RPIA: variants seen among roughly 807,000 people sequenced by gnomAD.
The protein encoded by RPIA is ribose 5-phosphate isomerase A, also known as ribose-5-phosphate isomerase.
In RPIA, 29 loss-of-function variants were observed where a neutral mutation model predicts 37.8. The observed-to-expected ratio is 0.77, with a 90% CI of 0.57 to 1.05. RPIA has a LOEUF of 1.05. Ranked by LOEUF, RPIA falls within the 50% of genes least tolerant of loss-of-function variation. The pLI, the probability that RPIA is intolerant of heterozygous loss-of-function variation, is 0.00. For missense variants in RPIA, 385 were observed against 413.6 expected (o/e 0.93, Z 0.60); for synonymous variants, 167 against 157.0 (o/e 1.06, Z -0.48).
intron 3 of RPIA, among the ~76,000 whole-genome samples, chr2:88,724,429 C>T (rs1338431598): frequency 6.6e-6 from 1 of 152,070 alleles, no homozygotes; most frequent in Non-Finnish European, 1.5e-5. Context: ...GCCTCAGCCT[C>T]CCTAGTAGAT....
chr2:88,699,954 A>C, intron 2 of RPIA, 55 bp from the exon 3 acceptor site: 1 of 1,579,438 alleles, frequency 6.3e-7, no homozygotes. Flanking sequence ...ACATATGACA[A>C]GAAGAATAAA....
At chr2:88,701,518 G>A (rs1672831557) in intron 3 of RPIA, among the ~76,000 whole-genome samples, 1 of 121,190 alleles carries the variant, frequency 8.3e-6, no homozygotes, top group Admixed American at 8.2e-5. Context: ...TCCCCTAGAT[G>A]ACCACTACCT....
At chr2:88,705,167 A>G (rs575050351) in intron 3 of RPIA, among the ~76,000 whole-genome samples, 1 of 152,320 alleles carries the variant, frequency 6.6e-6, no homozygotes, top group Non-Finnish European at 1.5e-5. Context: ...ATTCAATGCT[A>G]TTCCCATTAA....
chr2:88,713,122 T>TATATATA (rs60868319), intron 3 of RPIA, among the ~76,000 whole-genome samples: 12 of 42,598 alleles, frequency 2.8e-4, no homozygotes, highest in African/African-American at 5.9e-4. Context: ...ATATATATAT[T>TATATATA]TTTTTTTTTT....
rs1403154727 is a variant in RPIA at position 88,750,763 on chromosome 2, A to G, written c.*685A>G. Reference sequence around the variant, plus strand: ...ACCAGAAATGCTTGCCAGTACTGCCAAAGCACTGCTGTGAAATGTGAAGTA... The same window carrying G: ...ACCAGAAATGCTTGCCAGTACTGCCGAAGCACTGCTGTGAAATGTGAAGTA... On this transcript the variant is annotated 3_prime_UTR_variant, in exon 9 of 9. Coordinates refer to ENST00000283646, the MANE Select transcript of RPIA (RefSeq NM_144563.3). The G allele has an allele frequency of 2.5e-6, 1 of 398,718 alleles. No individual in the cohort carries two copies. The highest frequency in any genetic ancestry group is 4.4e-6 in the Non-Finnish European group (1 of 226,102). 24.7% of individuals were successfully genotyped at this position (398,718 alleles called of 1,614,324 possible). A position where few individuals can be genotyped will look rare whatever the true frequency, so the allele number is the denominator to read the frequency against.
In RPIA at chr2:88,698,865, G is replaced by A. The variant is rs138334333; in HGVS notation, c.346+321G>A. Among the ~76,000 whole-genome samples, 86 of 152,308 alleles carry A rather than the reference G, an allele frequency of 5.6e-4. 2 individuals are homozygous for A. In the East Asian group the frequency reaches 0.014, roughly 26 times the overall value. On this transcript the variant is annotated intron_variant, in intron 2 of 8. Coordinates refer to ENST00000283646, the MANE Select transcript of RPIA (RefSeq NM_144563.3). ...GGCATTCTACCATTGAGTTCTTTGC[G>A]TGAGCTCAGACTTCCTCAGGCAGAT... is the stretch of plus-strand genomic sequence containing the variant.
chr2:88,729,620 C>T (rs75541898), intron 4 of RPIA, among the ~76,000 whole-genome samples: 2 of 152,160 alleles, frequency 1.3e-5, no homozygotes, highest in Admixed American at 1.3e-4. Flanking sequence ...TTCCTGAGGT[C>T]TTTGTGCAGA....
intron 3 of RPIA, among the ~76,000 whole-genome samples, chr2:88,701,932 C>T (rs1468457067): frequency 6.6e-6 from 1 of 152,108 alleles, no homozygotes; most frequent in Non-Finnish European, 1.5e-5. Context: ...AGATAATCAA[C>T]AATATGATGA....
At chr2:88,745,090 T>A (rs1673424871) in intron 8 of RPIA, among the ~76,000 whole-genome samples, 1 of 152,186 alleles carries the variant, frequency 6.6e-6, no homozygotes, top group Non-Finnish European at 1.5e-5. Flanking sequence ...CCTGAGTAGC[T>A]GGGATTACAG....
At chr2:88,740,402 A>G (rs1202532685) in intron 8 of RPIA, among the ~76,000 whole-genome samples, 3 of 152,216 alleles carry the variant, frequency 2.0e-5, no homozygotes, top group Non-Finnish European at 4.4e-5. Context: ...TATCTACAGG[A>G]CAATCAGAGT....
At chr2:88,708,144 T>G (rs1181936041) in intron 3 of RPIA, among the ~76,000 whole-genome samples, 1 of 152,216 alleles carries the variant, frequency 6.6e-6, no homozygotes, top group Non-Finnish European at 1.5e-5. Context: ...AAGAAATTCA[T>G]TGTCAGTTCA....
intron 3 of RPIA, among the ~76,000 whole-genome samples, chr2:88,713,120 A>ATATT (rs1041923467): frequency 1.5e-3 from 100 of 65,268 alleles, no homozygotes; most frequent in Non-Finnish European, 1.8e-3. Flanking sequence ...ATATATATAT[A>ATATT]TTTTTTTTTT....
intron 8 of RPIA, among the ~76,000 whole-genome samples, chr2:88,740,350 GA>G (rs1427503191): frequency 6.6e-6 from 1 of 152,182 alleles, no homozygotes; most frequent in Non-Finnish European, 1.5e-5. Flanking sequence ...TTAAAGTGAG[GA>G]AAATGATAAA....
intron 3 of RPIA, among the ~76,000 whole-genome samples, chr2:88,728,941 T>C (rs183885709): frequency 4.3e-4 from 65 of 152,358 alleles, no homozygotes; most frequent in Non-Finnish European, 2.2e-4. Context: ...AGTTGTGGAT[T>C]TGGTTCTATG....
Position 88,698,498 on chromosome 2 carries a change from G to T in RPIA, c.300G>T (p.Leu100=), listed in dbSNP as rs756369108. The stretch of plus-strand genomic sequence containing the variant: ...TTTTTTGGCAGAATAACCAAGTGCT[G>T]GGAATTGGAAGTGGTTCTACAATTG... ...VENHVRNNQV[L]GIGSGSTIVH... The change falls in exon 2 of 9, where the codon CTG becomes CTT. Residue 100 remains leucine, a synonymous_variant. Coordinates refer to ENST00000283646, the MANE Select transcript of RPIA (RefSeq NM_144563.3). 6.2e-7 allele frequency: 1 copy of T among 1,614,118 alleles called. No individual in the cohort carries two copies. The highest frequency in any genetic ancestry group is 1.1e-5 in the South Asian group (1 of 91,080).
intron 8 of RPIA, among the ~76,000 whole-genome samples, chr2:88,748,430 G>A (rs952593894): frequency 1.4e-4 from 22 of 152,326 alleles, no homozygotes; most frequent in East Asian, 1.9e-4. Context: ...GGATTAATGT[G>A]TCTGTGATTT....
chr2:88,701,844 A>G (rs1335012008), intron 3 of RPIA, among the ~76,000 whole-genome samples: 2 of 152,220 alleles, frequency 1.3e-5, no homozygotes, highest in Non-Finnish European at 2.9e-5. Context: ...ATGAGCTAAC[A>G]TAATTTTGGC....
chr2:88,708,266 T>C (rs75490996), intron 3 of RPIA, among the ~76,000 whole-genome samples: 2,754 of 152,346 alleles, frequency 0.018, 88 homozygotes, highest in African/African-American at 0.062. Flanking sequence ...AGTGGACTTA[T>C]AAGTTCATTT....
At chr2:88,700,314 A>G (rs1256034967) in intron 3 of RPIA, among the ~76,000 whole-genome samples, 1 of 152,192 alleles carries the variant, frequency 6.6e-6, no homozygotes, top group Non-Finnish European at 1.5e-5. Context: ...ATGGCCCGGT[A>G]GTCTCTCTCC....
Sources: allele counts gnomAD v4.1 joint callset (sites outside exome capture counted in the v4.1 genomes callset), GRCh38; gene constraint gnomAD v4.1.1; transcripts MANE v1.5; gene names NCBI Gene and HGNC (gene_info 2026-07-23, HGNC 2026-07-21).